The following SDK2 variants were observed in gnomAD, a reference collection of about 807,000 sequenced individuals.
SDK2 encodes the protein sidekick cell adhesion molecule 2.
A neutral mutation model predicts 253.9 loss-of-function variants in SDK2; 105 were observed. The ratio of observed to expected loss-of-function variants is 0.41; its 90% CI spans 0.35 to 0.49. SDK2 has a LOEUF of 0.49. SDK2 is among the 20% of genes least tolerant of loss of function. The probability of loss-of-function intolerance (pLI) is 0.06; values close to 1 mark genes in which losing one functional copy is unlikely to be tolerated. For missense variants in SDK2, 2,608 were observed against 3,003.0 expected (o/e 0.87, Z 3.07); for synonymous variants, 1,249 against 1,234.9 (o/e 1.01, Z -0.24).
chr17:73,414,710 C>G lies in SDK2; in HGVS notation c.2418G>C (p.Thr806=), dbSNP rs187987614. The G allele has an allele frequency of 1.2e-6, 2 of 1,613,804 alleles. No individual in the cohort carries two copies. Among genetic ancestry groups the G allele is most frequent in the Admixed American group, 1.7e-5 (1 of 59,998 alleles). ...GNVHAEATNS[T]TIRFTWNAPS... Reference sequence around the variant, plus strand: ...GGGCGTTCCAGGTGAAGCGGATGGTCGTGGAATTGGTGGCTTCCGCGTGCA... The same window carrying G: ...GGGCGTTCCAGGTGAAGCGGATGGTGGTGGAATTGGTGGCTTCCGCGTGCA... The change falls in exon 18 of 45, where the codon ACG becomes ACC. Residue 806 remains threonine, a synonymous_variant. Coordinates refer to ENST00000392650, the MANE Select transcript of SDK2 (RefSeq NM_001144952.2).
In SDK2 at chr17:73,379,559, A is replaced by G. The variant is rs1333278079; in HGVS notation, c.4763-10T>C. 1.9e-6 allele frequency: 3 copies of G among 1,556,130 alleles called. No individual in the cohort carries two copies. The highest frequency in any genetic ancestry group is 2.6e-6 in the Non-Finnish European group (3 of 1,134,880). On this transcript the variant is annotated splice_polypyrimidine_tract_variant and intron_variant, in intron 34 of 44. Coordinates refer to ENST00000392650, the MANE Select transcript of SDK2 (RefSeq NM_001144952.2). The surrounding 1 kb of genome is among the most constrained non-coding windows in gnomAD (Gnocchi z 4.5). The stretch of plus-strand genomic sequence containing the variant: ...CTGTGCTTGTTCAGGTCTGTGGGGG[A>G]GAGTGGGGGAGGGGAAGCACACTGA...
chr17:73,513,443 G>A (rs2063997478), intron 1 of SDK2, among the ~76,000 whole-genome samples: 1 of 152,186 alleles, frequency 6.6e-6, no homozygotes, highest in African/African-American at 2.4e-5. Context: ...AGATGTAAAA[G>A]TGTGATATTC....
chr17:73,377,410 G>T lies in SDK2; in HGVS notation c.4980+1767C>A, dbSNP rs541639135. 5.3e-5 allele frequency among the ~76,000 whole-genome samples: 8 copies of T among 151,452 alleles called. No individual in the cohort carries two copies. The South Asian group carries it at 1.3e-3, about 24-fold the overall frequency. On this transcript the variant is annotated intron_variant, in intron 36 of 44. Coordinates refer to ENST00000392650, the MANE Select transcript of SDK2 (RefSeq NM_001144952.2). ...ATTTTTGTATTTTTAGTAGAGATGG[G>T]GTTTCACCATGTTGGTCAGGCTGGT...
Position 73,334,528 on chromosome 17 carries a change from A to AT in SDK2, c.*4058dup, listed in dbSNP as rs973680060. On this transcript the variant is annotated 3_prime_UTR_variant, in exon 45 of 45. Transcript: ENST00000392650. ...CACGCTATATGACATAGAGATATAT[A>AT]TTTTTTTCTTACAGACAGACACCTG... 6.6e-6 allele frequency: 1 copy of AT among 152,068 alleles called. No individual in the cohort carries two copies. The highest frequency in any genetic ancestry group is 1.5e-5 in the Non-Finnish European group (1 of 68,018). The allele number at this position is 152,068 out of a possible 1,614,324, so 9.4% of individuals were successfully genotyped here.
At position 73,335,641 on chromosome 17, in the gene SDK2, T is replaced by A. The variant is rs1031987420; in HGVS notation, c.*2946A>T. The A allele has an allele frequency of 5.9e-5, 9 of 152,080 alleles. No individual in the cohort carries two copies. Among genetic ancestry groups the A allele is most frequent in the Non-Finnish European group, 1.3e-4 (9 of 68,020 alleles). 9.4% of individuals were successfully genotyped at this position (152,080 alleles called of 1,614,324 possible). A position where few individuals can be genotyped will look rare whatever the true frequency, so the allele number is the denominator to read the frequency against. On this transcript the variant is annotated 3_prime_UTR_variant, in exon 45 of 45. Coordinates refer to ENST00000392650, the MANE Select transcript of SDK2 (RefSeq NM_001144952.2). The stretch of plus-strand genomic sequence containing the variant: ...GGAGACAATATTCCAGATGAGTGGG[T>A]ATTGACTAAGTGTGGGACTTTCACC...
intron 28 of SDK2, 84 bp from the exon 29 acceptor site, chr17:73,390,565 C>A: frequency 1.4e-6 from 2 of 1,382,812 alleles, no homozygotes; most frequent in Non-Finnish European, 2.0e-6. Context: ...CGTCCAAAGC[C>A]ACAGCTGTGT....
rs12949986 is a variant in SDK2 at position 73,570,850 on chromosome 17, T to G, written c.65-63253A>C. ...TAGCCCGAAATGCTCCTCCCAGGCC[T>G]GCAGGGACATGGCTGACCTCACATG... On this transcript the variant is annotated intron_variant, in intron 1 of 44. Transcript: ENST00000392650. This position sits in a 1 kb window ranked among gnomAD's most constrained non-coding sequence, Gnocchi z 4.2. 0.11 allele frequency among the ~76,000 whole-genome samples: 16,842 copies of G among 152,172 alleles called. 1,137 individuals carry two copies. Among genetic ancestry groups the G allele is most frequent in the South Asian group, 0.18 (891 of 4,818 alleles).
chr17:73,437,929 C>T, intron 7 of SDK2, 35 bp downstream of exon 7: 1 of 1,570,534 alleles, frequency 6.4e-7, no homozygotes, highest in Non-Finnish European at 8.6e-7. Context: ...GCCCCTACCC[C>T]TCAGGGGAGC....
chr17:73,578,387 G>C (rs898444300), intron 1 of SDK2, among the ~76,000 whole-genome samples: 5 of 152,088 alleles, frequency 3.3e-5, no homozygotes, highest in Admixed American at 2.6e-4. Context: ...TTTTAGCCCA[G>C]TGAGGCTCAT....
intron 1 of SDK2, among the ~76,000 whole-genome samples, chr17:73,537,292 G>A (rs947025312): frequency 6.6e-6 from 1 of 152,154 alleles, no homozygotes; most frequent in African/African-American, 2.4e-5. Flanking sequence ...GTCTGTTAAC[G>A]AGGGAGATAA....
At chr17:73,487,794 G>A (rs562289922) in intron 2 of SDK2, among the ~76,000 whole-genome samples, 7 of 152,282 alleles carry the variant, frequency 4.6e-5, no homozygotes, top group Non-Finnish European at 8.8e-5. Context: ...CTGCCTCATC[G>A]GTCCTCAGGT....
At chr17:73,427,510 A>G (rs1190869896) in intron 12 of SDK2, among the ~76,000 whole-genome samples, 1 of 152,204 alleles carries the variant, frequency 6.6e-6, no homozygotes, top group African/African-American at 2.4e-5. Context: ...GGTCCTTTAC[A>G]GCAAAGATTG....
rs1415898868 is a variant in SDK2 at position 73,436,584 on chromosome 17, A to AT, written c.1001-941_1001-940insA. Among the ~76,000 whole-genome samples the AT allele has an allele frequency of 1.8e-4, 26 of 144,122 alleles. 1 individual carries two copies. The highest frequency in any genetic ancestry group is 4.8e-4 in the South Asian group (2 of 4,142). The allele number at this position is 144,122 out of a possible 152,430, so 94.5% of individuals were successfully genotyped here. ...AGAGTGAGACTCAGTCTCAAAAAAA[A>AT]AAAAAAAAAAAAAAAAAAGACTTCC... is the stretch of plus-strand genomic sequence containing the variant. On this transcript the variant is annotated intron_variant, in intron 8 of 44. Transcript: ENST00000392650.
At chr17:73,367,236 T>C (rs1013932696) in intron 37 of SDK2, among the ~76,000 whole-genome samples, 14 of 152,144 alleles carry the variant, frequency 9.2e-5, no homozygotes, top group African/African-American at 3.1e-4. Context: ...CTTGAACTCC[T>C]GACCTCAAAT....
rs552521496 is a variant in SDK2, at chr17:73,447,921, T to G, written c.480-173A>C. ...TCTTACTGCCTACATCCCGCCACGT[T>G]TAGTTTGCAGAGAATGCTAAACACG... On this transcript the variant is annotated intron_variant, in intron 4 of 44. Coordinates refer to ENST00000392650, the MANE Select transcript of SDK2 (RefSeq NM_001144952.2). This position sits in a 1 kb window ranked among gnomAD's most constrained non-coding sequence, Gnocchi z 4.0. Among the ~76,000 whole-genome samples, 6 of 152,210 alleles carry G rather than the reference T, an allele frequency of 3.9e-5. No individual in the cohort carries two copies. In the South Asian group the frequency reaches 1.0e-3, roughly 26 times the overall value.
chr17:73,537,627 C>T (rs921607439), intron 1 of SDK2, among the ~76,000 whole-genome samples: 3 of 151,886 alleles, frequency 2.0e-5, no homozygotes, highest in Non-Finnish European at 4.4e-5. Context: ...CAAAGCAGAC[C>T]GAAGCCTGTG....
At chr17:73,405,612 G>A (rs1425018411) in intron 18 of SDK2, among the ~76,000 whole-genome samples, 2 of 149,668 alleles carry the variant, frequency 1.3e-5, no homozygotes, top group Non-Finnish European at 1.5e-5. Context: ...TGGTATTCAT[G>A]TGGGATTGGT....
At chr17:73,483,819 A>T (rs1275080469) in intron 2 of SDK2, among the ~76,000 whole-genome samples, 1 of 149,604 alleles carries the variant, frequency 6.7e-6, no homozygotes, top group Non-Finnish European at 1.5e-5. Context: ...CTGGGATTAC[A>T]GGCATGAGCC....
intron 2 of SDK2, among the ~76,000 whole-genome samples, chr17:73,487,763 G>T (rs1164947957): frequency 6.6e-6 from 1 of 152,206 alleles, no homozygotes; most frequent in East Asian, 1.9e-4. Flanking sequence ...ACGGGTCTAG[G>T]TGATGACGGA....
Sources: allele counts gnomAD v4.1 joint callset (sites outside exome capture counted in the v4.1 genomes callset), GRCh38; gene constraint gnomAD v4.1.1; non-coding constraint Gnocchi (gnomAD v3.1); transcripts MANE v1.5; gene names NCBI Gene and HGNC (gene_info 2026-07-23, HGNC 2026-07-21).